Variants in LYNX1 observed in about 807,000 individuals in gnomAD.
LYNX1 encodes the protein Ly6/neurotoxin 1.
Under a neutral mutation model 8.3 loss-of-function variants are expected in LYNX1, and 8 were observed. The observed-to-expected ratio is 0.97, with a 90% CI of 0.57 to 1.74. The LOEUF (loss-of-function observed/expected upper bound fraction) is 1.74, where lower values mean the gene tolerates loss of function less well. Ranked by LOEUF, LYNX1 falls within the 40% of genes most tolerant of loss-of-function variation. The probability of loss-of-function intolerance (pLI) is 0.00; values close to 1 mark genes in which losing one functional copy is unlikely to be tolerated. For missense variants in LYNX1, 158 were observed against 159.7 expected (o/e 0.99, Z 0.06); for synonymous variants, 73 against 67.9 (o/e 1.08, Z -0.37).
upstream of LYNX1, chr8:142,777,353 G>C (rs1321391795): frequency 1.4e-5 from 1 of 73,876 alleles, no homozygotes. Context: ...CCCCCGAGCC[G>C]AGCTCACCGC....
At position 142,774,145 on chromosome 8, in the gene LYNX1, G is replaced by GCCCAACCCCCCC; in HGVS notation, c.*1021_*1022insGGGGGGGTTGGG. 1.0e-6 allele frequency: 1 copy of GCCCAACCCCCCC among 981,856 alleles called. No homozygotes were observed. The highest frequency in any genetic ancestry group is 1.2e-6 in the Non-Finnish European group (1 of 827,990). 60.8% of individuals were successfully genotyped at this position (981,856 alleles called of 1,614,324 possible). A position where few individuals can be genotyped will look rare whatever the true frequency, so the allele number is the denominator to read the frequency against. On this transcript the variant is annotated 3_prime_UTR_variant, in exon 4 of 4. Coordinates refer to ENST00000652477, the MANE Select transcript of LYNX1 (RefSeq NM_177477.4). Reference sequence around the variant, plus strand: ...GCTGCGGGGGAGGGGCTGGGTCTCCGCCCTCCCCACCCCACCCTCCCCACT... The same window carrying GCCCAACCCCCCC: ...GCTGCGGGGGAGGGGCTGGGTCTCCGCCCAACCCCCCCCCCTCCCCACCCCACCCTCCCCACT...
rs147011501 is a variant in LYNX1 at position 142,773,256 on chromosome 8, G to A, written c.*1911C>T. 9.9e-5 allele frequency: 98 copies of A among 985,472 alleles called. No individual in the cohort carries two copies. In the African/African-American group the frequency reaches 1.6e-3, roughly 16 times the overall value. 61.0% of individuals were successfully genotyped at this position (985,472 alleles called of 1,614,324 possible). On this transcript the variant is annotated 3_prime_UTR_variant, in exon 4 of 4. Transcript: ENST00000652477. ...ACTGCCCTGAGGCTGGCACTTGCAGGTGGGGGCCCTTGGGAGCTCTGGGAG... is the reference window on the plus strand; with the variant it reads ...ACTGCCCTGAGGCTGGCACTTGCAGATGGGGGCCCTTGGGAGCTCTGGGAG...
In LYNX1 at chr8:142,772,300, T is replaced by C; in HGVS notation, c.*2867A>G. On this transcript the variant is annotated 3_prime_UTR_variant, in exon 4 of 4. Transcript: ENST00000652477. The stretch of plus-strand genomic sequence containing the variant: ...CGAAGTGGGAACTGGGCCCCCATGG[T>C]GCCCAGTGCCTCTCCCCCTCTCCTC... The C allele has an allele frequency of 1.0e-6, 1 of 985,800 alleles. No individual in the cohort carries two copies. Among genetic ancestry groups the C allele is most frequent in the Non-Finnish European group, 1.2e-6 (1 of 829,958 alleles). 61.1% of individuals were successfully genotyped at this position (985,800 alleles called of 1,614,324 possible).
chr8:142,777,733 G>T, upstream of LYNX1: 1 of 397,682 alleles, frequency 2.5e-6, no homozygotes, highest in South Asian at 1.3e-4. Context: ...GCCACGCAGT[G>T]ATTCCCTGGC....
chr8:142,771,224 C>T lies in LYNX1; in HGVS notation c.*3943G>A, dbSNP rs138786704. 144 of 985,472 alleles carry T rather than the reference C, an allele frequency of 1.5e-4. No homozygotes were observed. The African/African-American group carries it at 2.2e-3, about 15-fold the overall frequency. The allele number at this position is 985,472 out of a possible 1,614,324, so 61.0% of individuals were successfully genotyped here. A position where few individuals can be genotyped will look rare whatever the true frequency, so the allele number is the denominator to read the frequency against. On this transcript the variant is annotated 3_prime_UTR_variant, in exon 4 of 4. Coordinates refer to ENST00000652477, the MANE Select transcript of LYNX1 (RefSeq NM_177477.4). The stretch of plus-strand genomic sequence containing the variant: ...CAATGCGAATCTGTTGATTTATTTA[C>T]GGCTCGGTGAGACGACGCTGGACGC...
At chr8:142,775,795 A>AG in intron 2 of LYNX1, 101 bp from the exon 3 acceptor site, 3 of 1,543,530 alleles carry the variant, frequency 1.9e-6, no homozygotes, top group Non-Finnish European at 2.7e-6. Context: ...TCCCCGGGGC[A>AG]GGGGGCTAGA....
Position 142,771,311 on chromosome 8 carries a change from G to A in LYNX1, c.*3856C>T. On this transcript the variant is annotated 3_prime_UTR_variant, in exon 4 of 4. Transcript: ENST00000652477. Reference sequence around the variant, plus strand: ...GGGGCATGGCCCTGGGAAGCACCTGGACCCCAGAACATAAGACAGGAGGGA... The same window carrying A: ...GGGGCATGGCCCTGGGAAGCACCTGAACCCCAGAACATAAGACAGGAGGGA... 3 of 985,548 alleles carry A rather than the reference G, an allele frequency of 3.0e-6. No homozygotes were observed. Among genetic ancestry groups the A allele is most frequent in the Non-Finnish European group, 3.6e-6 (3 of 829,996 alleles). 61.1% of individuals were successfully genotyped at this position (985,548 alleles called of 1,614,324 possible). A position where few individuals can be genotyped will look rare whatever the true frequency, so the allele number is the denominator to read the frequency against.
chr8:142,776,152 A>C (rs1268539282), intron 1 of LYNX1, 31 bp from the exon 2 acceptor site: 3 of 652,950 alleles, frequency 4.6e-6, no homozygotes, highest in Non-Finnish European at 8.2e-6. Context: ...ACAGGTGGTC[A>C]GTACTGGGCC....
In LYNX1 at chr8:142,773,853, G is replaced by A. The variant is rs1027185366; in HGVS notation, c.*1314C>T. ...TCAGGACACCAGAGCTGGGAGCACT[G>A]GTCAGGTGGGGGCCTCAGGTGCAGC... On this transcript the variant is annotated 3_prime_UTR_variant, in exon 4 of 4. Coordinates refer to ENST00000652477, the MANE Select transcript of LYNX1 (RefSeq NM_177477.4). 2.0e-6 allele frequency: 2 copies of A among 985,250 alleles called. No homozygotes were observed. Among genetic ancestry groups the A allele is most frequent in the Non-Finnish European group, 2.4e-6 (2 of 829,926 alleles). 61.0% of individuals were successfully genotyped at this position (985,250 alleles called of 1,614,324 possible). A position where few individuals can be genotyped will look rare whatever the true frequency, so the allele number is the denominator to read the frequency against.
At position 142,771,780 on chromosome 8, in the gene LYNX1, G is replaced by A. The variant is rs1490972408; in HGVS notation, c.*3387C>T. 2.0e-6 allele frequency: 2 copies of A among 985,722 alleles called. No homozygotes were observed. Among genetic ancestry groups the A allele is most frequent in the Non-Finnish European group, 2.4e-6 (2 of 830,000 alleles). 61.1% of individuals were successfully genotyped at this position (985,722 alleles called of 1,614,324 possible). A position where few individuals can be genotyped will look rare whatever the true frequency, so the allele number is the denominator to read the frequency against. On this transcript the variant is annotated 3_prime_UTR_variant, in exon 4 of 4. Transcript: ENST00000652477. ...TGACGAATCAGATGCTACATAGTGG[G>A]GGAGGCGGCAGCTGGCCTGGCTCCC...
chr8:142,775,858 T>C (rs1445098591), intron 2 of LYNX1, 48 bp downstream of exon 2: 1 of 1,610,528 alleles, frequency 6.2e-7, no homozygotes, highest in Non-Finnish European at 8.5e-7. Context: ...TCAGCCCATC[T>C]GCCCTCAAAG....
At chr8:142,775,726 G>A (rs1815393464) in intron 2 of LYNX1, 32 bp from the exon 3 acceptor site, 16 of 1,562,760 alleles carry the variant, frequency 1.0e-5, no homozygotes, top group Non-Finnish European at 1.4e-5. Context: ...GAAGGGAACG[G>A]GGGTCACAGA....
At position 142,773,120 on chromosome 8, in the gene LYNX1, C is replaced by T. The variant is rs1815251323; in HGVS notation, c.*2047G>A. The T allele has an allele frequency of 9.1e-6, 9 of 985,538 alleles. No homozygotes were observed. The highest frequency in any genetic ancestry group is 4.7e-5 in the South Asian group (1 of 21,286). The allele number at this position is 985,538 out of a possible 1,614,324, so 61.0% of individuals were successfully genotyped here. A position where few individuals can be genotyped will look rare whatever the true frequency, so the allele number is the denominator to read the frequency against. Reference sequence around the variant, plus strand: ...CCCGACAATGGGCTTGCGCAAGCCGCGCAGTGACTGCTCCCAGCCTCTCCC... The same window carrying T: ...CCCGACAATGGGCTTGCGCAAGCCGTGCAGTGACTGCTCCCAGCCTCTCCC... On this transcript the variant is annotated 3_prime_UTR_variant, in exon 4 of 4. Transcript: ENST00000652477.
rs1391472537 is a variant in LYNX1 at position 142,771,509 on chromosome 8, G to A, written c.*3658C>T. 8 of 985,416 alleles carry A rather than the reference G, an allele frequency of 8.1e-6. No individual in the cohort carries two copies. In the African/African-American group the frequency reaches 1.4e-4, roughly 17 times the overall value. The allele number at this position is 985,416 out of a possible 1,614,324, so 61.0% of individuals were successfully genotyped here. On this transcript the variant is annotated 3_prime_UTR_variant, in exon 4 of 4. Coordinates refer to ENST00000652477, the MANE Select transcript of LYNX1 (RefSeq NM_177477.4). ...GTGTGTCTCTCGGGCTGCCCAGGTG[G>A]CTCTGTCCACCCTTCTGTCTGGGAG...
intron 2 of LYNX1, 106 bp from the exon 3 acceptor site, chr8:142,775,800 G>A (rs1174195856): frequency 6.5e-7 from 1 of 1,550,148 alleles, no homozygotes; most frequent in Non-Finnish European, 8.8e-7. Context: ...GGGGCAGGGG[G>A]CTAGAAGGAG....
intron 3 of LYNX1, 90 bp from the exon 4 acceptor site, chr8:142,775,453 G>C: frequency 6.3e-7 from 1 of 1,578,462 alleles, no homozygotes; most frequent in Non-Finnish European, 8.6e-7. Flanking sequence ...CATCAGGGCA[G>C]GGCCCCTCAG....
At position 142,775,930 on chromosome 8, in the gene LYNX1, C is replaced by T; in HGVS notation, c.28G>A (p.Val10Met). The change falls in exon 2 of 4, where the codon GTG (valine) becomes ATG (methionine). Residue 10 changes from valine to methionine, a missense_variant. Val to Met is a conservative substitution (Grantham distance 21, BLOSUM62 1). Coordinates refer to ENST00000652477, the MANE Select transcript of LYNX1 (RefSeq NM_177477.4). ...CCCAGAGGTAAGCCCATGAGGACCA[C>T]CAGGATCAGGGTGAGCAGGGGCGTC... MTPLLTLIL[V>M]VLMGLPLAQA... is the part of the protein sequence containing the mutation. 1 of 1,614,130 alleles carries T rather than the reference C, an allele frequency of 6.2e-7. No homozygotes were observed. Among genetic ancestry groups the T allele is most frequent in the Non-Finnish European group, 8.5e-7 (1 of 1,180,006 alleles).
chr8:142,774,863 C>T lies in LYNX1; in HGVS notation c.*304G>A. ...AGGTGGGCTTGGCCACAGCTCCCAT[C>T]TGCTCAGTGCTCCCTGCCTGACTGG... On this transcript the variant is annotated 3_prime_UTR_variant, in exon 4 of 4. Transcript: ENST00000652477. 7.8e-7 allele frequency: 1 copy of T among 1,282,344 alleles called. No homozygotes were observed. Among genetic ancestry groups the T allele is most frequent in the Non-Finnish European group, 9.9e-7 (1 of 1,010,760 alleles). 79.4% of individuals were successfully genotyped at this position (1,282,344 alleles called of 1,614,324 possible).
chr8:142,775,768 C>T (rs910427879), intron 2 of LYNX1, 74 bp from the exon 3 acceptor site: 49 of 1,533,654 alleles, frequency 3.2e-5, no homozygotes, highest in African/African-American at 1.4e-4. Flanking sequence ...GCCCATCAGG[C>T]CCCCAGCCCG....
Sources: allele counts gnomAD v4.1 joint callset, GRCh38; gene constraint gnomAD v4.1.1; transcripts MANE v1.5; gene names NCBI Gene and HGNC (gene_info 2026-07-23, HGNC 2026-07-21).